Variants in ZFAND6 observed in about 807,000 individuals in gnomAD.
ZFAND6 encodes the protein zinc finger AN1-type containing 6.
A neutral mutation model predicts 24.5 loss-of-function variants in ZFAND6; 12 were observed. The ratio of observed to expected loss-of-function variants is 0.49; its 90% CI spans 0.31 to 0.79. ZFAND6 has a LOEUF of 0.79. Ranked by LOEUF, ZFAND6 falls within the 30% of genes least tolerant of loss-of-function variation. The pLI is 0.04. For synonymous variants in ZFAND6, 92 were observed against 81.5 expected (o/e 1.13, Z -0.69); for missense variants, 207 against 245.9 (o/e 0.84, Z 1.06).
intron 1 of ZFAND6, among the ~76,000 whole-genome samples, chr15:80,084,424 T>C (rs2141869677): frequency 6.6e-6 from 1 of 152,356 alleles, no homozygotes; most frequent in East Asian, 1.9e-4. Flanking sequence ...CTGAAACTCT[T>C]CTGGTCCCAG....
At chr15:80,067,145 A>G (rs2036695230) in intron 1 of ZFAND6, among the ~76,000 whole-genome samples, 1 of 152,210 alleles carries the variant, frequency 6.6e-6, no homozygotes, top group Non-Finnish European at 1.5e-5. Flanking sequence ...GAGGGAGGAC[A>G]GTGGGACAAG....
intron 1 of ZFAND6, among the ~76,000 whole-genome samples, chr15:80,084,157 G>A (rs569621246): frequency 9.5e-4 from 145 of 152,276 alleles, no homozygotes; most frequent in African/African-American, 3.3e-3. Flanking sequence ...ATCAGGGTTA[G>A]GCATGATTAC....
chr15:80,089,227 GC>G (rs2038187925), intron 1 of ZFAND6, among the ~76,000 whole-genome samples: 1 of 147,888 alleles, frequency 6.8e-6, no homozygotes, highest in African/African-American at 2.5e-5. Context: ...GTGAGTAGGG[GC>G]CATATTCTGT....
At position 80,098,495 on chromosome 15, in the gene ZFAND6, A is replaced by C. The variant is rs2038859571; in HGVS notation, c.-101A>C. ...TGCATAAAATTCAAAACTTTTAAGT[A>C]GCTGCTTATGAGAATAGGGAAGGCA... On this transcript the variant is annotated 5_prime_UTR_variant, in exon 2 of 7. An upstream open reading frame in the 5' UTR loses its in-frame stop. Transcript: ENST00000261749. 6.6e-6 allele frequency: 1 copy of C among 152,250 alleles called. No individual in the cohort carries two copies. Among genetic ancestry groups the C allele is most frequent in the African/African-American group, 2.4e-5 (1 of 41,462 alleles). 9.4% of individuals were successfully genotyped at this position (152,250 alleles called of 1,614,324 possible). A position where few individuals can be genotyped will look rare whatever the true frequency, so the allele number is the denominator to read the frequency against.
chr15:80,136,031 T>C (rs557019073), intron 6 of ZFAND6, among the ~76,000 whole-genome samples: 4 of 150,570 alleles, frequency 2.7e-5, no homozygotes, highest in Non-Finnish European at 5.9e-5. Flanking sequence ...AAGGCTGAGG[T>C]GGAAGGATTG....
At chr15:80,127,355 A>C (rs1457705760) in intron 5 of ZFAND6, among the ~76,000 whole-genome samples, 1 of 152,098 alleles carries the variant, frequency 6.6e-6, no homozygotes, top group African/African-American at 2.4e-5. Context: ...TGGGAGGCTG[A>C]GGCGGGCGGA....
At chr15:80,075,339 A>G (rs1567053698) in intron 1 of ZFAND6, 2 of 230,312 alleles carry the variant, frequency 8.7e-6, no homozygotes, top group Middle Eastern at 4.5e-4. Context: ...CTGTAGTGAA[A>G]GTTTAGCTGT....
rs55872915 is a variant in ZFAND6, at chr15:80,127,589, C to CA, written c.365-3565dup. Among the ~76,000 whole-genome samples, 438 of 119,986 alleles carry CA rather than the reference C, an allele frequency of 3.7e-3. 22 individuals carry two copies. Among genetic ancestry groups the CA allele is most frequent in the East Asian group, 0.022 (71 of 3,174 alleles). The allele number at this position is 119,986 out of a possible 152,430, so 78.7% of individuals were successfully genotyped here. ...TGGGCAAAAGGGCAAAACTCCATCT[C>CA]AAAAAAAAAAAAAAAAAAAAAAAAA... is the stretch of plus-strand genomic sequence containing the variant. On this transcript the variant is annotated intron_variant, in intron 5 of 6. Coordinates refer to ENST00000261749, the MANE Select transcript of ZFAND6 (RefSeq NM_019006.4).
At chr15:80,095,990 A>G (rs890294958) in intron 1 of ZFAND6, among the ~76,000 whole-genome samples, 3 of 152,224 alleles carry the variant, frequency 2.0e-5, no homozygotes, top group South Asian at 2.1e-4. Context: ...AGTTTGATCT[A>G]TCAGTACAAT....
chr15:80,083,397 A>G (rs1374257638), intron 1 of ZFAND6, among the ~76,000 whole-genome samples: 2 of 152,228 alleles, frequency 1.3e-5, no homozygotes, highest in African/African-American at 2.4e-5. Context: ...GTGCTATGCT[A>G]AGAACTTATG....
chr15:80,089,680 G>A (rs4778746), intron 1 of ZFAND6, among the ~76,000 whole-genome samples: 105,886 of 152,036 alleles, frequency 0.7, 37,388 homozygotes, highest in Admixed American at 0.8. Flanking sequence ...TCCATTGCCT[G>A]TGGAAATGGA....
At chr15:80,112,523 G>A (rs1239648773) in intron 2 of ZFAND6, among the ~76,000 whole-genome samples, 1 of 151,898 alleles carries the variant, frequency 6.6e-6, no homozygotes, top group Admixed American at 6.6e-5. Flanking sequence ...TCAGTCTCCT[G>A]AGTAGCTGGG....
intron 4 of ZFAND6, among the ~76,000 whole-genome samples, chr15:80,122,271 G>A (rs1042842088): frequency 1.3e-5 from 2 of 152,086 alleles, no homozygotes; most frequent in African/African-American, 4.8e-5. Flanking sequence ...CCTGCATACA[G>A]CAATACTGGT....
intron 6 of ZFAND6, among the ~76,000 whole-genome samples, chr15:80,132,974 C>G (rs1042398809): frequency 6.7e-6 from 1 of 150,232 alleles, no homozygotes; most frequent in Admixed American, 6.6e-5. Flanking sequence ...GTGAAGCCAT[C>G]TCTGCAGCTA....
intron 6 of ZFAND6, among the ~76,000 whole-genome samples, chr15:80,134,883 G>A (rs554907783): frequency 2.6e-5 from 4 of 152,344 alleles, no homozygotes; most frequent in South Asian, 2.1e-4. Flanking sequence ...TTTTCACTTC[G>A]TTTGCAACGT....
intron 4 of ZFAND6, 118 bp from the exon 5 acceptor site, chr15:80,122,581 GT>G: frequency 1.6e-6 from 1 of 618,884 alleles, no homozygotes; most frequent in South Asian, 2.2e-5. Context: ...TTAAAAAAAA[GT>G]ATGTCTGTGT....
rs573717848 is a variant in ZFAND6 at position 80,133,358 on chromosome 15, A to G, written c.478+2065A>G. The stretch of plus-strand genomic sequence containing the variant: ...CAGGTGTGTGCCACCATGCCCGGCT[A>G]ATTTTTGTATTTCTTTAGTAGAGAT... On this transcript the variant is annotated intron_variant, in intron 6 of 6. Transcript: ENST00000261749. Among the ~76,000 whole-genome samples the G allele has an allele frequency of 1.6e-4, 24 of 151,962 alleles. No individual in the cohort carries two copies. In the South Asian group the frequency reaches 4.6e-3, roughly 29 times the overall value.
intron 2 of ZFAND6, among the ~76,000 whole-genome samples, chr15:80,119,470 TA>T (rs1196843996): frequency 2.0e-5 from 3 of 152,188 alleles, no homozygotes; most frequent in African/African-American, 7.2e-5. Flanking sequence ...AAATATAGTA[TA>T]CGCATTTCAT....
At position 80,089,259 on chromosome 15, in the gene ZFAND6, G is replaced by GTTTTTTTTTTTTTT. The variant is rs71453501; in HGVS notation, c.-180-9145_-180-9132dup. On this transcript the variant is annotated intron_variant, in intron 1 of 6. Coordinates refer to ENST00000261749, the MANE Select transcript of ZFAND6 (RefSeq NM_019006.4). ...TCTGTCTTCGTGTGTGAGTGTGTGT[G>GTTTTTTTTTTTTTT]TTTTTTTTTTTTTTTTTTTTTTTTT... Among the ~76,000 whole-genome samples, 5 of 61,096 alleles carry GTTTTTTTTTTTTTT rather than the reference G, an allele frequency of 8.2e-5. 1 individual carries two copies. Among genetic ancestry groups the GTTTTTTTTTTTTTT allele is most frequent in the Admixed American group, 5.6e-4 (2 of 3,596 alleles). 40.1% of individuals were successfully genotyped at this position (61,096 alleles called of 152,430 possible).
Sources: allele counts gnomAD v4.1 joint callset (sites outside exome capture counted in the v4.1 genomes callset), GRCh38; gene constraint gnomAD v4.1.1; transcripts MANE v1.5; gene names NCBI Gene and HGNC (gene_info 2026-07-23, HGNC 2026-07-21).